Variants in CCDC171 observed in about 807,000 individuals in gnomAD.
CCDC171 encodes coiled-coil domain containing 171.
CCDC171 carries 177 observed loss-of-function variants against 168.2 expected under a neutral mutation model. The observed-to-expected ratio is 1.05, with a 90% CI of 0.93 to 1.19. The LOEUF is 1.19. Ranked by LOEUF, CCDC171 falls within the 50% of genes most tolerant of loss-of-function variation. CCDC171 has a pLI of 0.00. For missense variants in CCDC171, 1,991 were observed against 1,539.0 expected, an observed-to-expected ratio of 1.29 and a Z score of -4.91; for synonymous variants, 687 against 540.8, an observed-to-expected ratio of 1.27 and a Z score of -3.75.
intron 24 of CCDC171, among the ~76,000 whole-genome samples, chr9:15,905,832 A>C (rs1822498245): frequency 6.6e-6 from 1 of 152,220 alleles, no homozygotes; most frequent in Non-Finnish European, 1.5e-5. Context: ...AAAAAATGAT[A>C]AAGGGGATAT....
At chr9:16,075,628 A>G in the CCDC171 span, among the ~76,000 whole-genome samples, 2 of 152,164 alleles carry the variant, frequency 1.3e-5, no homozygotes, top group East Asian at 3.9e-4. Flanking sequence ...AAGCTCCAAG[A>G]CATGGTGCTT....
chr9:15,568,516 C>G (rs547278245), intron 2 of CCDC171, among the ~76,000 whole-genome samples: 1 of 152,130 alleles, frequency 6.6e-6, no homozygotes, highest in African/African-American at 2.4e-5. Flanking sequence ...GTGATCCACC[C>G]GCCTTGGCCT....
rs529151168 is a variant in CCDC171, at chr9:15,990,802, G to A, written n.369-29787G>A. On this transcript the variant is annotated intron_variant and non_coding_transcript_variant, in intron 3 of 9. Transcript: ENST00000486641. Reference sequence around the variant, plus strand: ...TGGTCTCTGATAAAGCAGGCTTTAAGCCAACAAAGATCAAAAGAGACAAAG... The same window carrying A: ...TGGTCTCTGATAAAGCAGGCTTTAAACCAACAAAGATCAAAAGAGACAAAG... Among the ~76,000 whole-genome samples, 123 of 152,272 alleles carry A rather than the reference G, an allele frequency of 8.1e-4. 1 individual carries two copies. Among genetic ancestry groups the A allele is most frequent in the African/African-American group, 1.6e-3 (66 of 41,556 alleles).
chr9:15,919,009 T>G (rs553084457), intron 24 of CCDC171, among the ~76,000 whole-genome samples: 20 of 151,798 alleles, frequency 1.3e-4, no homozygotes, highest in Admixed American at 4.6e-4. Flanking sequence ...TATCTTGCCT[T>G]AAGTAGCTTC....
At chr9:15,791,826 G>C (rs1236034391) in intron 21 of CCDC171, among the ~76,000 whole-genome samples, 1 of 152,134 alleles carries the variant, frequency 6.6e-6, no homozygotes, top group Non-Finnish European at 1.5e-5. Context: ...TCATATGTAC[G>C]TCACCATCAT....
chr9:15,912,671 C>G (rs201095049), intron 24 of CCDC171, among the ~76,000 whole-genome samples: 7 of 152,144 alleles, frequency 4.6e-5, no homozygotes, highest in African/African-American at 1.7e-4. Flanking sequence ...ATTGGCTGTG[C>G]GTTTGTCATA....
intron 7 of CCDC171, among the ~76,000 whole-genome samples, chr9:15,647,165 A>G (rs201804024): frequency 6.6e-6 from 1 of 152,186 alleles, no homozygotes; most frequent in African/African-American, 2.4e-5. Context: ...GGTACATAAC[A>G]AAATGAAGGC....
chr9:15,842,024 T>G (rs1393944207), intron 21 of CCDC171, among the ~76,000 whole-genome samples: 1 of 152,038 alleles, frequency 6.6e-6, no homozygotes, highest in Non-Finnish European at 1.5e-5. Flanking sequence ...CTAGAGATGT[T>G]TAAAGGAACA....
intron 7 of CCDC171, among the ~76,000 whole-genome samples, chr9:15,643,155 G>C (rs2046774214): frequency 6.6e-6 from 1 of 151,842 alleles, no homozygotes; most frequent in African/African-American, 2.4e-5. Context: ...TGAGATTTTG[G>C]TCCTTTGCTA....
At chr9:15,804,331 C>T (rs1182080488) in intron 21 of CCDC171, among the ~76,000 whole-genome samples, 2 of 152,044 alleles carry the variant, frequency 1.3e-5, no homozygotes, top group African/African-American at 4.8e-5. Context: ...GGAATGCTTC[C>T]AGCTTTTGCT....
intron 18 of CCDC171, among the ~76,000 whole-genome samples, chr9:15,753,587 C>T (rs2055902436): frequency 6.6e-6 from 1 of 151,994 alleles, no homozygotes; most frequent in South Asian, 2.1e-4. Context: ...ATAATTAAGA[C>T]CCTGATAAAG....
intron 6 of CCDC171, among the ~76,000 whole-genome samples, chr9:15,600,029 T>C (rs952423261): frequency 6.6e-6 from 1 of 152,234 alleles, no homozygotes; most frequent in Non-Finnish European, 1.5e-5. Flanking sequence ...CTGCATTGGC[T>C]ATTCTAGTTA....
chr9:16,098,347 A>ATTG, the CCDC171 span, among the ~76,000 whole-genome samples: 1 of 152,148 alleles, frequency 6.6e-6, no homozygotes, highest in Non-Finnish European at 1.5e-5. Context: ...CATCACCATC[A>ATTG]TTGTTGTCGT....
At chr9:15,676,772 C>T (rs139849342) in intron 9 of CCDC171, among the ~76,000 whole-genome samples, 2 of 152,164 alleles carry the variant, frequency 1.3e-5, no homozygotes, top group East Asian at 3.9e-4. Context: ...TTTCATAGTT[C>T]AGCTGGCCGT....
intron 11 of CCDC171, among the ~76,000 whole-genome samples, chr9:15,714,302 CT>C (rs1264525299): frequency 6.6e-6 from 1 of 152,154 alleles, no homozygotes; most frequent in African/African-American, 2.4e-5. Context: ...TGATTTTCCT[CT>C]GTAATATCCC....
At chr9:15,968,581 C>G (rs1458066902) in intron 25 of CCDC171, among the ~76,000 whole-genome samples, 33 of 147,786 alleles carry the variant, frequency 2.2e-4, no homozygotes, top group Non-Finnish European at 7.4e-5. Context: ...TGCTCTGTTG[C>G]CCAGGCTGGA....
intron 21 of CCDC171, among the ~76,000 whole-genome samples, chr9:15,820,069 A>T (rs1478135143): frequency 8.5e-6 from 1 of 117,996 alleles, no homozygotes; most frequent in Admixed American, 8.0e-5. Flanking sequence ...GGGAAACTGA[A>T]CAGCCTGCTC....
chr9:16,039,089 A>C (rs978203379), upstream of CCDC171, among the ~76,000 whole-genome samples: 9 of 152,238 alleles, frequency 5.9e-5, no homozygotes, highest in African/African-American at 1.7e-4. Context: ...TTTAAAAATT[A>C]GTGAGGAAGA....
At chr9:15,984,170 G>A (rs1011081460) in intron 3 of CCDC171, among the ~76,000 whole-genome samples, 1 of 152,244 alleles carries the variant, frequency 6.6e-6, no homozygotes, top group Admixed American at 6.5e-5. Context: ...TGGACCAAAT[G>A]TGAGGTCTGA....
Sources: gnomAD v4.1 joint callset for allele counts (sites outside exome capture counted in the v4.1 genomes callset) on GRCh38, gnomAD v4.1.1 for gene constraint, MANE v1.5 for transcripts, NCBI Gene and HGNC (gene_info 2026-07-23, HGNC 2026-07-21) for gene names.